The following MPHOSPH9 variants were observed in gnomAD, a reference collection of about 807,000 sequenced individuals.
MPHOSPH9 encodes M-phase phosphoprotein 9.
Under a neutral mutation model 145.5 loss-of-function variants are expected in MPHOSPH9, and 88 were observed. The observed-to-expected ratio is 0.60, with a 90% CI of 0.51 to 0.72. The LOEUF (loss-of-function observed/expected upper bound fraction) is 0.72, where lower values mean the gene tolerates loss of function less well. Among genes scored for constraint, MPHOSPH9 ranks in the 30% least tolerant of loss-of-function variants. The pLI, the probability that MPHOSPH9 is intolerant of heterozygous loss-of-function variation, is 0.00. For missense variants in MPHOSPH9, 1,238 were observed against 1,386.6 expected, an observed-to-expected ratio of 0.89 and a Z score of 1.70; for synonymous variants, 435 against 486.2, an observed-to-expected ratio of 0.89 and a Z score of 1.39.
intron 13 of MPHOSPH9, among the ~76,000 whole-genome samples, chr12:123,185,458 T>C (rs994541922): frequency 6.6e-6 from 1 of 152,162 alleles, no homozygotes; most frequent in African/African-American, 2.4e-5. Flanking sequence ...CTAAATGCAA[T>C]GTGGGCCAGG....
chr12:123,170,920 T>G (rs1716176), intron 16 of MPHOSPH9, among the ~76,000 whole-genome samples: 97,326 of 151,750 alleles, frequency 0.64, 35,672 homozygotes, highest in East Asian at 1. Context: ...CGTTAAAGTG[T>G]TTCAATTTTA....
At chr12:123,215,963 C>A (rs932931294) in intron 6 of MPHOSPH9, among the ~76,000 whole-genome samples, 2 of 152,168 alleles carry the variant, frequency 1.3e-5, no homozygotes, top group Non-Finnish European at 2.9e-5. Flanking sequence ...GAAGGCCGGG[C>A]GCGGTGGCTC....
rs760727123 is a variant in MPHOSPH9 at position 123,161,330 on chromosome 12, G to A, written c.3187C>T (p.Pro1063Ser). Reference protein sequence around the residue: ...TDNHVNHSSCPEPVPNGVKKV... With the variant: ...TDNHVNHSSCSEPVPNGVKKV... ...TTCACTCCATTTGGCACCGGTTCAG[G>A]GCAAGAGCTATGATTAACATGGTTA... Residue 1063 changes from proline (P) to serine (S), a missense_variant, in exon 22 of 24, where the codon CCT becomes TCT. Physicochemically the swap from Pro to Ser is moderately conservative, Grantham distance 74. Coordinates refer to ENST00000606320, the MANE Select transcript of MPHOSPH9 (RefSeq NM_022782.4). 2 of 1,613,724 alleles carry A rather than the reference G, an allele frequency of 1.2e-6. No individual in the cohort carries two copies. Among genetic ancestry groups the A allele is most frequent in the African/African-American group, 2.7e-5 (2 of 74,812 alleles).
intron 8 of MPHOSPH9, among the ~76,000 whole-genome samples, chr12:123,204,654 C>A (rs532761769): frequency 6.6e-6 from 1 of 152,178 alleles, no homozygotes; most frequent in Non-Finnish European, 1.5e-5. Flanking sequence ...GCAGGCGGAT[C>A]GCCTGAGGTC....
At chr12:123,216,605 T>C (rs2046971562) in intron 6 of MPHOSPH9, among the ~76,000 whole-genome samples, 1 of 151,898 alleles carries the variant, frequency 6.6e-6, no homozygotes, top group African/African-American at 2.4e-5. Flanking sequence ...AATCTCAGCA[T>C]TTGGGGAGGC....
intron 17 of MPHOSPH9, among the ~76,000 whole-genome samples, chr12:123,166,000 C>T (rs1437810011): frequency 6.6e-6 from 1 of 152,248 alleles, no homozygotes; most frequent in Non-Finnish European, 1.5e-5. Context: ...TAGTCCTACA[C>T]TTAGAGGAAC....
Position 123,160,863 on chromosome 12 carries a change from A to G in MPHOSPH9, c.3382-14T>C. ...TGCTGCCTCAATCTGTTAACACACG[A>G]AAAAAATATGTTTAAATTACTGGCA... On this transcript the variant is annotated splice_polypyrimidine_tract_variant and intron_variant, in intron 22 of 23. Transcript: ENST00000606320. 3 of 1,611,374 alleles carry G rather than the reference A, an allele frequency of 1.9e-6. No individual in the cohort carries two copies. Among genetic ancestry groups the G allele is most frequent in the Non-Finnish European group, 2.5e-6 (3 of 1,178,588 alleles).
At chr12:123,198,562 C>T (rs533876402) in intron 11 of MPHOSPH9, among the ~76,000 whole-genome samples, 2 of 152,074 alleles carry the variant, frequency 1.3e-5, no homozygotes, top group South Asian at 4.1e-4. Flanking sequence ...GTAATACTAA[C>T]ACTTTGGGAG....
In MPHOSPH9 at chr12:123,179,344, C is replaced by G. The variant is rs2045017811; in HGVS notation, c.2354+582G>C. ...ATCCCAGCACCTTGGCAAGCCGAGG[C>G]AGGCGGATCACTTGAGGTCAGGAGT... On this transcript the variant is annotated intron_variant, in intron 15 of 23. Coordinates refer to ENST00000606320, the MANE Select transcript of MPHOSPH9 (RefSeq NM_022782.4). 2.6e-5 allele frequency among the ~76,000 whole-genome samples: 4 copies of G among 152,106 alleles called. No individual in the cohort carries two copies. The South Asian group carries it at 8.3e-4, about 32-fold the overall frequency.
intron 6 of MPHOSPH9, 53 bp from the exon 7 acceptor site, chr12:123,214,887 G>A: frequency 7.0e-7 from 1 of 1,422,604 alleles, no homozygotes; most frequent in Non-Finnish European, 9.9e-7. Flanking sequence ...GGCACAATCT[G>A]CTGACCCAAG....
intron 8 of MPHOSPH9, among the ~76,000 whole-genome samples, chr12:123,204,506 C>T (rs1234120530): frequency 1.3e-5 from 2 of 152,126 alleles, no homozygotes; most frequent in African/African-American, 2.4e-5. Context: ...ATAAGTCCCC[C>T]CCACCCATCA....
intron 13 of MPHOSPH9, 110 bp from the exon 14 acceptor site, chr12:123,181,320 T>C (rs2045131630): frequency 1.2e-6 from 1 of 840,442 alleles, no homozygotes; most frequent in Admixed American, 2.5e-5. Context: ...GCCAATGTCA[T>C]GAAAGAGAAA....
At chr12:123,168,179 T>TGACTGGCAGCAAAATCTGAG (rs2044396636) in intron 16 of MPHOSPH9, among the ~76,000 whole-genome samples, 3 of 152,022 alleles carry the variant, frequency 2.0e-5, no homozygotes. Flanking sequence ...TCACCACACC[T>TGACTGGCAGCAAAATCTGAG]GACTGGCAGC....
chr12:123,206,526 A>G (rs564351595), intron 8 of MPHOSPH9, among the ~76,000 whole-genome samples: 1 of 85,576 alleles, frequency 1.2e-5, no homozygotes, highest in African/African-American at 2.8e-5. Context: ...AGAGAAGAGA[A>G]GAGATGAGAA....
chr12:123,195,105 C>G (rs1442380978), intron 12 of MPHOSPH9, among the ~76,000 whole-genome samples: 1 of 152,112 alleles, frequency 6.6e-6, no homozygotes, highest in Admixed American at 6.6e-5. Context: ...ATAAGGTATA[C>G]AGGAAACTAT....
At chr12:123,175,792 TG>T (rs2044832244) in intron 16 of MPHOSPH9, among the ~76,000 whole-genome samples, 1 of 144,140 alleles carries the variant, frequency 6.9e-6, no homozygotes, top group Non-Finnish European at 1.5e-5. Context: ...CTCTCTCAAA[TG>T]TTCAATTTGT....
chr12:123,158,963 T>C (rs1366249510), intron 23 of MPHOSPH9, among the ~76,000 whole-genome samples: 1 of 152,016 alleles, frequency 6.6e-6, no homozygotes, highest in East Asian at 2.0e-4. Flanking sequence ...CGGGCCCATG[T>C]GCCTGTAATC....
chr12:123,193,785 T>A (rs557748736), intron 13 of MPHOSPH9, among the ~76,000 whole-genome samples: 67 of 151,376 alleles, frequency 4.4e-4, no homozygotes, highest in African/African-American at 1.5e-3. Context: ...GACACACAAA[T>A]GTTAAGATAG....
At chr12:123,162,806 C>G in intron 20 of MPHOSPH9, 1 of 447,938 alleles carries the variant, frequency 2.2e-6, no homozygotes, top group Non-Finnish European at 3.8e-6. Context: ...AATTTAAAAT[C>G]TAGTAGTAGC....
Sources: allele counts gnomAD v4.1 joint callset (sites outside exome capture counted in the v4.1 genomes callset), GRCh38; gene constraint gnomAD v4.1.1; transcripts MANE v1.5; gene names NCBI Gene and HGNC (gene_info 2026-07-23, HGNC 2026-07-21).